PRDM12: variants seen among roughly 807,000 people sequenced by gnomAD.
PRDM12 encodes PR/SET domain 12.
In PRDM12, 17 loss-of-function variants were observed where a neutral mutation model predicts 29.6. The observed-to-expected ratio is 0.57, with a 90% CI of 0.39 to 0.86. The LOEUF (loss-of-function observed/expected upper bound fraction) is 0.86, where lower values mean the gene tolerates loss of function less well. PRDM12 is among the 40% of genes least tolerant of loss of function. The pLI is 0.00. For synonymous variants in PRDM12, 231 were observed against 225.8 expected, an observed-to-expected ratio of 1.02 and a Z score of -0.21; for missense variants, 422 against 510.8, an observed-to-expected ratio of 0.83 and a Z score of 1.68.
chr9:130,677,163 A>G (rs896698047), intron 3 of PRDM12, among the ~76,000 whole-genome samples: 4 of 152,140 alleles, frequency 2.6e-5, no homozygotes, highest in Non-Finnish European at 4.4e-5. Context: ...GGCCTCAAGT[A>G]ATCCACCCGC....
intron 3 of PRDM12, among the ~76,000 whole-genome samples, chr9:130,675,966 C>T (rs2132601128): frequency 6.6e-6 from 1 of 152,292 alleles, no homozygotes; most frequent in East Asian, 1.9e-4. Flanking sequence ...CGTGTTCCCT[C>T]CCTGACCCCC....
rs112209687 is a variant in PRDM12 at position 130,681,735 on chromosome 9, G to A, written c.*66G>A. 235,253 of 979,044 alleles carry A rather than the reference G, an allele frequency of 0.24. 30,063 individuals carry two copies. The highest frequency in any genetic ancestry group is 0.38 in the Middle Eastern group (734 of 1,908). The allele number at this position is 979,044 out of a possible 1,614,324, so 60.6% of individuals were successfully genotyped here. ...CCCCGGCACCCCGGCCCCGCAGCGC[G>A]ACTCGCCCTCCAGCCCCAACCCCCG... On this transcript the variant is annotated 3_prime_UTR_variant, in exon 5 of 5. Transcript: ENST00000253008. The surrounding 1 kb of genome is among the most constrained non-coding windows in gnomAD (Gnocchi z 8.1).
chr9:130,665,893 A>G (rs1323694678), intron 1 of PRDM12, among the ~76,000 whole-genome samples: 2 of 152,100 alleles, frequency 1.3e-5, no homozygotes, highest in Non-Finnish European at 2.9e-5. Flanking sequence ...CCGACAGGGG[A>G]ACCCTCGGGG....
intron 3 of PRDM12, among the ~76,000 whole-genome samples, chr9:130,673,787 T>C (rs1830810668): frequency 6.7e-6 from 1 of 149,542 alleles, no homozygotes; most frequent in African/African-American, 2.5e-5. Flanking sequence ...TTCTCCTGCC[T>C]CAGCCTCCTG....
rs118073763 is a variant in PRDM12, at chr9:130,680,059, G to A, written c.683-1189G>A. Among the ~76,000 whole-genome samples, 15 of 152,152 alleles carry A rather than the reference G, an allele frequency of 9.9e-5. No individual in the cohort carries two copies. The East Asian group carries it at 1.9e-3, about 20-fold the overall frequency. On this transcript the variant is annotated intron_variant, in intron 4 of 4. Transcript: ENST00000253008. ...TTACAAACATTAATTTCTCTAGGCC[G>A]GGCATGGTGGCTTATGCCTATAATC...
chr9:130,672,052 A>G (rs1015059707), intron 3 of PRDM12, among the ~76,000 whole-genome samples: 3 of 152,234 alleles, frequency 2.0e-5, no homozygotes, highest in Admixed American at 2.0e-4. Context: ...GGCTGGATCC[A>G]CTGATGTGGC....
chr9:130,674,753 C>T (rs1018418524), intron 3 of PRDM12, among the ~76,000 whole-genome samples: 6 of 151,982 alleles, frequency 3.9e-5, no homozygotes, highest in Non-Finnish European at 7.4e-5. Flanking sequence ...TTATACAATG[C>T]GGTCCATATG....
chr9:130,671,376 C>CAT (rs1312732763), intron 3 of PRDM12, among the ~76,000 whole-genome samples: 1 of 100,236 alleles, frequency 1.0e-5, no homozygotes, highest in African/African-American at 5.4e-5. Context: ...AGGATCAGGA[C>CAT]ACACACACAC....
intron 3 of PRDM12, among the ~76,000 whole-genome samples, chr9:130,676,219 G>A (rs1047819126): frequency 1.3e-5 from 2 of 152,182 alleles, no homozygotes; most frequent in Non-Finnish European, 2.9e-5. Context: ...AGCTGGGCGC[G>A]GTGGCTCACA....
intron 3 of PRDM12, 94 bp from the exon 4 acceptor site, chr9:130,678,435 C>T (rs926402491): frequency 1.2e-4 from 106 of 859,326 alleles, no homozygotes; most frequent in Non-Finnish European, 1.8e-4. Context: ...AGACTGGGTC[C>T]GGGTCTCCTG....
At chr9:130,670,608 G>A (rs886411074) in intron 3 of PRDM12, among the ~76,000 whole-genome samples, 7 of 152,122 alleles carry the variant, frequency 4.6e-5, no homozygotes, top group African/African-American at 1.7e-4. Flanking sequence ...TCCTAAAATT[G>A]GCTTCCAGTG....
chr9:130,681,278 G>A lies in PRDM12; in HGVS notation c.713G>A (p.Gly238Asp). 1 of 1,481,528 alleles carries A rather than the reference G, an allele frequency of 6.7e-7. No homozygotes were observed. Among genetic ancestry groups the A allele is most frequent in the Non-Finnish European group, 9.0e-7 (1 of 1,109,744 alleles). 91.8% of individuals were successfully genotyped at this position (1,481,528 alleles called of 1,614,324 possible). A position where few individuals can be genotyped will look rare whatever the true frequency, so the allele number is the denominator to read the frequency against. Residue 238 changes from glycine (G) to aspartate (D), a missense_variant, in exon 5 of 5, where the codon GGC (glycine) becomes GAC (aspartate). Physicochemically the swap from Gly to Asp is moderately conservative, Grantham distance 94 (BLOSUM62 -1). Coordinates refer to ENST00000253008, the MANE Select transcript of PRDM12 (RefSeq NM_021619.3). The surrounding 1 kb of genome is among the most constrained non-coding windows in gnomAD (Gnocchi z 8.1). ...TTCCACCCGGCGGACTCGGCGGCTGGCCCCGCGGGCCGCATGCGATGCGTC... is the reference window on the plus strand; with the variant it reads ...TTCCACCCGGCGGACTCGGCGGCTGACCCCGCGGGCCGCATGCGATGCGTC... ...EDFHPADSAA[G>D]PAGRMRCVIC...
intron 1 of PRDM12, among the ~76,000 whole-genome samples, chr9:130,665,294 G>A (rs934642313): frequency 1.3e-5 from 2 of 150,064 alleles, no homozygotes; most frequent in African/African-American, 4.9e-5. Flanking sequence ...ACTTTAAAAG[G>A]CAGCCGGGGC....
chr9:130,665,540 C>G (rs1425855717), intron 1 of PRDM12, among the ~76,000 whole-genome samples: 1 of 152,152 alleles, frequency 6.6e-6, no homozygotes, highest in African/African-American at 2.4e-5. Flanking sequence ...AATTCCACTT[C>G]CATTCACGCT....
intron 3 of PRDM12, among the ~76,000 whole-genome samples, chr9:130,670,324 C>T (rs184818821): frequency 8.2e-4 from 125 of 152,176 alleles, no homozygotes; most frequent in African/African-American, 2.9e-3. Flanking sequence ...GTGCCAGGGC[C>T]TAGTAGCTTC....
chr9:130,666,875 C>T (rs1564244581), intron 2 of PRDM12, 77 bp downstream of exon 2: 1 of 1,496,034 alleles, frequency 6.7e-7, no homozygotes, highest in Middle Eastern at 1.9e-4. Context: ...GGCGTCCGGC[C>T]GTCGCCGCTT....
chr9:130,680,925 G>A (rs10901272), intron 4 of PRDM12, among the ~76,000 whole-genome samples: 28,039 of 151,662 alleles, frequency 0.18, 3,304 homozygotes, highest in Middle Eastern at 0.37. Flanking sequence ...TCATCCTCTC[G>A]GGCAATCGTA....
At chr9:130,670,049 C>T (rs1830774120) in intron 3 of PRDM12, among the ~76,000 whole-genome samples, 1 of 151,956 alleles carries the variant, frequency 6.6e-6, no homozygotes, top group Non-Finnish European at 1.5e-5. Context: ...CTGGGACCCT[C>T]CCTGGACAGT....
At position 130,666,802 on chromosome 9, in the gene PRDM12, C is replaced by T. The variant is rs780857953; in HGVS notation, c.414+4C>T. The T allele has an allele frequency of 3.1e-6, 5 of 1,599,430 alleles. No homozygotes were observed. The highest frequency in any genetic ancestry group is 2.7e-5 in the African/African-American group (2 of 74,290). ...GAACAACAACCTCATGTGGGAGGTA[C>T]GCGCGGGCTGGGGCAGAGGGGCGCA... On this transcript the variant is annotated splice_donor_region_variant and intron_variant, in intron 2 of 4. Coordinates refer to ENST00000253008, the MANE Select transcript of PRDM12 (RefSeq NM_021619.3).
Sources: allele counts gnomAD v4.1 joint callset (sites outside exome capture counted in the v4.1 genomes callset), GRCh38; gene constraint gnomAD v4.1.1; non-coding constraint Gnocchi (gnomAD v3.1); transcripts MANE v1.5; gene names NCBI Gene and HGNC (gene_info 2026-07-23, HGNC 2026-07-21).